Variants in NRP1 observed in about 807,000 individuals in gnomAD.
NRP1 encodes neuropilin 1.
A neutral mutation model predicts 106.7 loss-of-function variants in NRP1; 35 were observed. That is an observed-to-expected ratio of 0.33 (90% CI 0.25 to 0.43). The LOEUF (loss-of-function observed/expected upper bound fraction) is 0.43. Among genes scored for constraint, NRP1 ranks in the 20% least tolerant of loss-of-function variants. The pLI, the probability that NRP1 is intolerant of heterozygous loss-of-function variation, is 1.00. For synonymous variants in NRP1, 437 were observed against 417.9 expected (o/e 1.05, Z -0.56); for missense variants, 1,024 against 1,170.4 (o/e 0.87, Z 1.83).
intron 4 of NRP1, among the ~76,000 whole-genome samples, chr10:33,259,930 C>G (rs1203636886): frequency 6.6e-6 from 1 of 152,156 alleles, no homozygotes; most frequent in Non-Finnish European, 1.5e-5. Flanking sequence ...TCATGGCTCA[C>G]TGTAACCTAG....
chr10:33,326,360 G>A (rs986775967), intron 2 of NRP1, among the ~76,000 whole-genome samples: 14 of 152,088 alleles, frequency 9.2e-5, no homozygotes, highest in Non-Finnish European at 1.8e-4. Flanking sequence ...ATGTGTTTCC[G>A]AAAACTCTCC....
chr10:33,221,812 TGGGGAATACTGCAACCACAACATCTGTG>T lies in NRP1; in HGVS notation c.1161_1188del (p.Thr388AsnfsTer3). On this transcript the variant is annotated frameshift_variant, in exon 8 of 17. Coordinates refer to ENST00000374867, the MANE Select transcript of NRP1 (RefSeq NM_003873.7). LOFTEE classifies it high-confidence loss of function. ...CGGACAAATCGAGTTATCAGTGGTT[TGGGGAATACTGCAACCACAACATCTGTG>T]GGGTTGGTGTTTCCCTGAAAGAGCT... 6.2e-7 allele frequency: 1 copy of T among 1,614,108 alleles called. No homozygotes were observed. Among genetic ancestry groups the T allele is most frequent in the Non-Finnish European group, 8.5e-7 (1 of 1,179,966 alleles).
chr10:33,194,552 C>T (rs575927710), intron 12 of NRP1: 123 of 296,998 alleles, frequency 4.1e-4, no homozygotes, highest in South Asian at 3.6e-3. Context: ...AGGCACTTCT[C>T]GCTTCAGAGA....
intron 12 of NRP1, among the ~76,000 whole-genome samples, chr10:33,193,992 G>A (rs1037833982): frequency 3.9e-5 from 6 of 152,190 alleles, no homozygotes; most frequent in Non-Finnish European, 8.8e-5. Context: ...TGTGTAAAAT[G>A]TGAGTACTTT....
chr10:33,334,426 C>A lies in NRP1; in HGVS notation c.-44G>T, dbSNP rs368605791. The stretch of plus-strand genomic sequence containing the variant: ...GCAGGCAGACGCGGGAGAACGAGGA[C>A]GTGGGGGGAAATGCAGCAAAGAGGA... On this transcript the variant is annotated 5_prime_UTR_variant, in exon 1 of 17. Transcript: ENST00000374867. 6.9e-4 allele frequency: 1,042 copies of A among 1,503,776 alleles called. 10 individuals are homozygous for A. In the South Asian group the frequency reaches 8.4e-3, roughly 12 times the overall value. The allele number at this position is 1,503,776 out of a possible 1,614,324, so 93.2% of individuals were successfully genotyped here.
At chr10:33,197,074 C>A (rs1029205480) in intron 12 of NRP1, among the ~76,000 whole-genome samples, 16 of 152,154 alleles carry the variant, frequency 1.1e-4, no homozygotes, top group African/African-American at 3.1e-4. Flanking sequence ...GGCCCCTGAT[C>A]GACAGCAAAC....
At chr10:33,249,553 GAATGA>G (rs1353208851) in intron 6 of NRP1, 12 of 516,240 alleles carry the variant, frequency 2.3e-5, no homozygotes, top group Non-Finnish European at 4.7e-5. Flanking sequence ...TTGCATCCTA[GAATGA>G]TTAACCAGAA....
intron 5 of NRP1, among the ~76,000 whole-genome samples, chr10:33,255,391 C>T (rs760922212): frequency 5.3e-5 from 8 of 152,158 alleles, no homozygotes; most frequent in Non-Finnish European, 1.0e-4. Context: ...CTGTCCTCTC[C>T]CTGTGCTACT....
chr10:33,209,483 T>C (rs548774320), intron 9 of NRP1, among the ~76,000 whole-genome samples: 1 of 152,250 alleles, frequency 6.6e-6, no homozygotes, highest in East Asian at 1.9e-4. Flanking sequence ...CATTTATTTA[T>C]TTATTTTTTT....
At chr10:33,181,298 T>C (rs1400212286) in intron 16 of NRP1, among the ~76,000 whole-genome samples, 7 of 152,226 alleles carry the variant, frequency 4.6e-5, no homozygotes, top group African/African-American at 1.7e-4. Flanking sequence ...AAACAAGCCT[T>C]GGGGCATATT....
At chr10:33,189,290 TCTA>T (rs1836248048) in intron 13 of NRP1, among the ~76,000 whole-genome samples, 1 of 152,172 alleles carries the variant, frequency 6.6e-6, no homozygotes, top group East Asian at 1.9e-4. Flanking sequence ...ACACTCTGCC[TCTA>T]TCTAACTGCT....
chr10:33,180,378 A>G lies in NRP1; in HGVS notation c.2483-13T>C. On this transcript the variant is annotated splice_polypyrimidine_tract_variant and intron_variant, in intron 16 of 16. Transcript: ENST00000374867. The stretch of plus-strand genomic sequence containing the variant: ...CCTGGCGTGCTCCCTATGGAAAAAA[A>G]CAATATTGTCTCCGTGAGCACCGCC... 1 of 1,566,622 alleles carries G rather than the reference A, an allele frequency of 6.4e-7. No individual in the cohort carries two copies. The highest frequency in any genetic ancestry group is 8.7e-7 in the Non-Finnish European group (1 of 1,153,628).
intron 8 of NRP1, 74 bp from the exon 9 acceptor site, chr10:33,213,791 A>G (rs1156733612): frequency 9.0e-6 from 10 of 1,117,242 alleles, no homozygotes; most frequent in Non-Finnish European, 1.3e-5. Context: ...AAAATACAAC[A>G]TATGGAATAA....
At chr10:33,324,617 T>TACTCCAAAG (rs1847757491) in intron 2 of NRP1, among the ~76,000 whole-genome samples, 1 of 152,174 alleles carries the variant, frequency 6.6e-6, no homozygotes, top group African/African-American at 2.4e-5. Context: ...TTTCACTGTC[T>TACTCCAAAG]ATGTTCAAGG....
In NRP1 at chr10:33,179,976, A is replaced by G; in HGVS notation, c.*100T>C. On this transcript the variant is annotated 3_prime_UTR_variant, in exon 17 of 17. Coordinates refer to ENST00000374867, the MANE Select transcript of NRP1 (RefSeq NM_003873.7). ...GAAAAGCCTGGCTCAGTGGTCATCA[A>G]CACACTTCCCAGCCTGTATAGTGAA... is the stretch of plus-strand genomic sequence containing the variant. The G allele has an allele frequency of 7.8e-7, 1 of 1,277,376 alleles. No individual in the cohort carries two copies. The highest frequency in any genetic ancestry group is 2.3e-5 in the East Asian group (1 of 43,116). The allele number at this position is 1,277,376 out of a possible 1,614,324, so 79.1% of individuals were successfully genotyped here.
intron 13 of NRP1, among the ~76,000 whole-genome samples, chr10:33,188,446 C>G (rs1836166002): frequency 6.6e-6 from 1 of 152,092 alleles, no homozygotes; most frequent in South Asian, 2.1e-4. Context: ...ATTTCCAGTG[C>G]CCAACACAGC....
At chr10:33,279,851 G>A (rs1183237106) in intron 2 of NRP1, among the ~76,000 whole-genome samples, 1 of 152,192 alleles carries the variant, frequency 6.6e-6, no homozygotes, top group Non-Finnish European at 1.5e-5. Context: ...CCAAGGGCAG[G>A]ACTGGGAAGC....
At chr10:33,254,539 A>C (rs1188285429) in intron 5 of NRP1, among the ~76,000 whole-genome samples, 2 of 152,228 alleles carry the variant, frequency 1.3e-5, no homozygotes, top group Non-Finnish European at 2.9e-5. Context: ...GGTACACACA[A>C]AAAGTTGCAT....
At chr10:33,230,822 A>G (rs911945151) in intron 6 of NRP1, among the ~76,000 whole-genome samples, 1 of 152,178 alleles carries the variant, frequency 6.6e-6, no homozygotes, top group African/African-American at 2.4e-5. Flanking sequence ...AATTTAAAAT[A>G]TTAATGCCTT....
Sources: allele counts gnomAD v4.1 joint callset (sites outside exome capture counted in the v4.1 genomes callset), GRCh38; gene constraint gnomAD v4.1.1; transcripts MANE v1.5; gene names NCBI Gene and HGNC (gene_info 2026-07-23, HGNC 2026-07-21).